FSIP2: variants seen among roughly 807,000 people sequenced by gnomAD.
FSIP2 encodes fibrous sheath-interacting protein 2.
FSIP2 carries 367 observed loss-of-function variants against 510.5 expected under a neutral mutation model. The observed-to-expected ratio is 0.72, with a 90% CI of 0.66 to 0.78. The LOEUF (loss-of-function observed/expected upper bound fraction) is 0.78. Among genes scored for constraint, FSIP2 ranks in the 30% least tolerant of loss-of-function variants. FSIP2 has a pLI of 0.00. For synonymous variants in FSIP2, 2,601 were observed against 2,732.2 expected (o/e 0.95, Z 1.50); for missense variants, 7,594 against 7,901.7 (o/e 0.96, Z 1.48).
Position 185,796,057 on chromosome 2 carries a change from C to A in FSIP2, c.8921C>A (p.Thr2974Lys). Residue 2974 changes from threonine to lysine, a missense_variant, in exon 16 of 23, where the codon ACA becomes AAA. Transcript: ENST00000424728. ...CTCAGCAGTTTACCAATCTATAACA[C>A]AAAGACAAAAGACCAAATTTCTGTG... The part of the protein sequence containing the change: ...HSLSSLPIYN[T>K]KTKDQISVGS... The A allele has an allele frequency of 6.5e-7, 1 of 1,531,598 alleles. No individual in the cohort carries two copies. The highest frequency in any genetic ancestry group is 8.7e-7 in the Non-Finnish European group (1 of 1,145,228). 94.9% of individuals were successfully genotyped at this position (1,531,598 alleles called of 1,614,324 possible).
chr2:185,798,689 C>A (rs2105632958), intron 16 of FSIP2, among the ~76,000 whole-genome samples: 1 of 151,892 alleles, frequency 6.6e-6, no homozygotes, highest in Non-Finnish European at 1.5e-5. Context: ...GCTACAACTA[C>A]AAACTCTTAA....
At chr2:185,755,208 C>T (rs759193516) in intron 8 of FSIP2, among the ~76,000 whole-genome samples, 41 of 151,640 alleles carry the variant, frequency 2.7e-4, no homozygotes, top group Middle Eastern at 3.4e-3. Context: ...TTATTACATA[C>T]TTCCCGCTGT....
intron 20 of FSIP2, among the ~76,000 whole-genome samples, chr2:185,824,798 A>G (rs1242984482): frequency 6.6e-6 from 1 of 151,792 alleles, no homozygotes; most frequent in Non-Finnish European, 1.5e-5. Context: ...GCCAGAACCC[A>G]TGCTACTAGG....
At chr2:185,812,474 G>T (rs1447098086) in intron 17 of FSIP2, among the ~76,000 whole-genome samples, 1 of 151,986 alleles carries the variant, frequency 6.6e-6, no homozygotes, top group Non-Finnish European at 1.5e-5. Flanking sequence ...CTCAGTTAAG[G>T]CATGTGATTG....
Position 185,791,811 on chromosome 2 carries a change from C to T in FSIP2, c.4675C>T (p.Pro1559Ser). 1 of 1,533,986 alleles carries T rather than the reference C, an allele frequency of 6.5e-7. No individual in the cohort carries two copies. Among genetic ancestry groups the T allele is most frequent in the East Asian group, 2.4e-5 (1 of 40,844 alleles). The change falls in exon 16 of 23, where the codon CCT (proline) becomes TCT (serine). Residue 1559 changes from proline (P) to serine (S), a missense_variant. Physicochemically the swap from Pro to Ser is moderately conservative, Grantham distance 74. Transcript: ENST00000424728. ...NKEETKSKAK[P>S]VAPVSSKTPS... ...AGAAGAGACTAAAAGCAAGGCAAAA[C>T]CTGTTGCTCCTGTGTCTTCCAAAAC...
chr2:185,786,265 C>G lies in FSIP2; in HGVS notation c.1483C>G (p.Leu495Val). Residue 495 changes from leucine to valine, a missense_variant, in exon 15 of 23, where the codon CTG becomes GTG. Transcript: ENST00000424728. The stretch of plus-strand genomic sequence containing the variant: ...CTTTCTTTACAGGCAACAGAACTTG[C>G]TGCAAAATTGCTTGCAAGAAAAAGT... ...PVYTNMQQNLLQNCLQEKVTS... is the reference protein window; with the variant it reads ...PVYTNMQQNLVQNCLQEKVTS... The G allele has an allele frequency of 1.3e-6, 2 of 1,523,124 alleles. No homozygotes were observed. The highest frequency in any genetic ancestry group is 1.8e-6 in the Non-Finnish European group (2 of 1,137,804). The allele number at this position is 1,523,124 out of a possible 1,614,324, so 94.4% of individuals were successfully genotyped here.
Position 185,800,366 on chromosome 2 carries a change from T to C in FSIP2, c.11060T>C (p.Leu3687Pro). The C allele has an allele frequency of 6.5e-7, 1 of 1,527,564 alleles. No homozygotes were observed. Among genetic ancestry groups the C allele is most frequent in the Middle Eastern group, 1.7e-4 (1 of 5,900 alleles). 94.6% of individuals were successfully genotyped at this position (1,527,564 alleles called of 1,614,324 possible). A position where few individuals can be genotyped will look rare whatever the true frequency, so the allele number is the denominator to read the frequency against. Residue 3687 changes from leucine (L) to proline (P), a missense_variant, in exon 17 of 23, where the codon CTA (leucine) becomes CCA (proline). Transcript: ENST00000424728. ...AAGTTAAACAGCCTGGTTGGTAACC[T>C]AAAAACAAGTGAATCCAAAGAAGTA... ...ACKLNSLVGNLKTSESKEVVN... is the reference protein window; with the variant it reads ...ACKLNSLVGNPKTSESKEVVN...
rs1693517942 is a variant in FSIP2 at position 185,804,644 on chromosome 2, T to C, written c.15338T>C (p.Leu5113Ser). The change falls in exon 17 of 23, where the codon TTG becomes TCG. Residue 5113 changes from leucine (L) to serine (S), a missense_variant. Coordinates refer to ENST00000424728, the MANE Select transcript of FSIP2 (RefSeq NM_173651.4). Reference protein sequence around the residue: ...SHALPPYITVLPHSLLEDMVY... With the variant: ...SHALPPYITVSPHSLLEDMVY... ...GCCTTGCCACCATATATTACTGTGT[T>C]GCCTCATTCTCTTTTAGAAGATATG... 6.5e-7 allele frequency: 1 copy of C among 1,533,132 alleles called. No individual in the cohort carries two copies. The highest frequency in any genetic ancestry group is 1.4e-5 in the African/African-American group (1 of 72,826). The allele number at this position is 1,533,132 out of a possible 1,614,324, so 95.0% of individuals were successfully genotyped here. A position where few individuals can be genotyped will look rare whatever the true frequency, so the allele number is the denominator to read the frequency against.
chr2:185,818,218 G>A (rs1393381066), intron 19 of FSIP2, among the ~76,000 whole-genome samples: 1 of 151,992 alleles, frequency 6.6e-6, no homozygotes, highest in East Asian at 1.9e-4. Flanking sequence ...AGCAAACTTG[G>A]AGAGACAGAA....
chr2:185,742,823 A>C (rs1330178338), intron 2 of FSIP2, among the ~76,000 whole-genome samples: 2 of 152,212 alleles, frequency 1.3e-5, no homozygotes, highest in South Asian at 2.1e-4. Flanking sequence ...TTTGTACCTT[A>C]AAACAAACTA....
chr2:185,793,733 A>G lies in FSIP2; in HGVS notation c.6597A>G (p.Gln2199=), dbSNP rs567963563. ...FCDTFPKIDC[Q]QPLKGSKTER... is the part of the protein sequence containing the mutation. ...ATACGTTTCCAAAAATAGACTGTCA[A>G]CAGCCTCTTAAGGGGTCAAAAACTG... The change falls in exon 16 of 23, where the codon CAA becomes CAG. Residue 2199 remains glutamine (Q), a synonymous_variant. Coordinates refer to ENST00000424728, the MANE Select transcript of FSIP2 (RefSeq NM_173651.4). 3.6e-5 allele frequency: 55 copies of G among 1,534,558 alleles called. No homozygotes were observed. The South Asian group carries it at 5.9e-4, about 17-fold the overall frequency.
chr2:185,805,463 A>T lies in FSIP2; in HGVS notation c.16157A>T (p.Gln5386Leu). The stretch of plus-strand genomic sequence containing the variant: ...ATAGGGATGATTGCTGCTCTAACCC[A>T]GAAGGCAATATCTGCATTCAGGATT... ...IAIGMIAALTQKAISAFRIQP... is the reference protein window; with the variant it reads ...IAIGMIAALTLKAISAFRIQP... Residue 5386 changes from glutamine to leucine, a missense_variant, in exon 17 of 23, where the codon CAG becomes CTG. By Grantham distance (113) the Gln-to-Leu change is moderately radical. Transcript: ENST00000424728. 1 of 1,611,366 alleles carries T rather than the reference A, an allele frequency of 6.2e-7. No individual in the cohort carries two copies. The highest frequency in any genetic ancestry group is 8.5e-7 in the Non-Finnish European group (1 of 1,178,306).
chr2:185,743,348 A>G (rs1191155877), intron 3 of FSIP2, 54 bp downstream of exon 3: 3 of 1,261,318 alleles, frequency 2.4e-6, no homozygotes, highest in Non-Finnish European at 3.1e-6. Flanking sequence ...AAAACTTGAT[A>G]TAAACTTGTT....
At chr2:185,745,352 A>G (rs1265656541) in intron 4 of FSIP2, 77 bp from the exon 5 acceptor site, 11 of 847,762 alleles carry the variant, frequency 1.3e-5, no homozygotes, top group Non-Finnish European at 1.8e-5. Context: ...TTTATAAAAT[A>G]TATAAATTTA....
chr2:185,818,717 G>A (rs979864697), intron 19 of FSIP2, among the ~76,000 whole-genome samples: 1 of 151,670 alleles, frequency 6.6e-6, no homozygotes, highest in Non-Finnish European at 1.5e-5. Context: ...TCTACATCCA[G>A]CAAAAAATGT....
In FSIP2 at chr2:185,793,586, A is replaced by T. The variant is rs150118360; in HGVS notation, c.6450A>T (p.Ser2150=). 9.8e-6 allele frequency: 15 copies of T among 1,534,278 alleles called. No homozygotes were observed. In the East Asian group the frequency reaches 3.7e-4, roughly 38 times the overall value. The change falls in exon 16 of 23, where the codon TCA becomes TCT. Residue 2150 remains serine, a synonymous_variant. Coordinates refer to ENST00000424728, the MANE Select transcript of FSIP2 (RefSeq NM_173651.4). ...TTCCTAAGCTTTCAGTTCCTAAATC[A>T]GATGTCATTTTGATATCCAATGATA... ...KIIPKLSVPK[S]DVILISNDIV... is the part of the protein sequence containing the mutation.
At position 185,739,366 on chromosome 2, in the gene FSIP2, T is replaced by C. The variant is rs1691874382; in HGVS notation, c.120T>C (p.Phe40=). 2 of 1,532,674 alleles carry C rather than the reference T, an allele frequency of 1.3e-6. No individual in the cohort carries two copies. The highest frequency in any genetic ancestry group is 1.7e-6 in the Non-Finnish European group (2 of 1,145,828). 94.9% of individuals were successfully genotyped at this position (1,532,674 alleles called of 1,614,324 possible). The change falls in exon 2 of 23, where the codon TTT becomes TTC. Residue 40 remains phenylalanine (F), a synonymous_variant. Coordinates refer to ENST00000424728, the MANE Select transcript of FSIP2 (RefSeq NM_173651.4). ...QCRDGVHKTH[F]AGVGPAQLLD... ...GACAGGGCGTGCACAAAACCCACTTTGCAGGGGTTGGACCGGCTCAGCTAC... is the reference window on the plus strand; with the variant it reads ...GACAGGGCGTGCACAAAACCCACTTCGCAGGGGTTGGACCGGCTCAGCTAC...
intron 13 of FSIP2, among the ~76,000 whole-genome samples, chr2:185,781,110 T>C (rs1376084123): frequency 9.0e-6 from 1 of 111,324 alleles, no homozygotes; most frequent in Non-Finnish European, 1.9e-5. Context: ...ATTGGGATCC[T>C]AAACAGATGG....
At position 185,790,165 on chromosome 2, in the gene FSIP2, A is replaced by C. The variant is rs908906617; in HGVS notation, c.3029A>C (p.Asn1010Thr). 14 of 1,532,306 alleles carry C rather than the reference A, an allele frequency of 9.1e-6. No individual in the cohort carries two copies. Among genetic ancestry groups the C allele is most frequent in the Non-Finnish European group, 1.0e-5 (12 of 1,144,782 alleles). 94.9% of individuals were successfully genotyped at this position (1,532,306 alleles called of 1,614,324 possible). The change falls in exon 16 of 23, where the codon AAT becomes ACT. Residue 1010 changes from asparagine to threonine, a missense_variant. By Grantham distance (65) the Asn-to-Thr change is moderately conservative. Coordinates refer to ENST00000424728, the MANE Select transcript of FSIP2 (RefSeq NM_173651.4). Reference sequence around the variant, plus strand: ...GATGATGAAAATGAGGAAATAGACAATATTGTAAAAAATGTGCTTGATTCA... The same window carrying C: ...GATGATGAAAATGAGGAAATAGACACTATTGTAAAAAATGTGCTTGATTCA... ...YSDDENEEID[N>T]IVKNVLDSTF...
Sources: allele counts gnomAD v4.1 joint callset (sites outside exome capture counted in the v4.1 genomes callset), GRCh38; gene constraint gnomAD v4.1.1; transcripts MANE v1.5; gene names NCBI Gene and HGNC (gene_info 2026-07-23, HGNC 2026-07-21).